The following RCOR1 variants were observed in gnomAD, a reference collection of about 807,000 sequenced individuals.
RCOR1 encodes the protein REST corepressor.
A neutral mutation model predicts 64.0 loss-of-function variants in RCOR1; 12 were observed. The ratio of observed to expected loss-of-function variants is 0.19; its 90% CI spans 0.12 to 0.30. RCOR1 has a LOEUF of 0.30. Ranked by LOEUF, RCOR1 falls within the 10% of genes least tolerant of loss-of-function variation. The pLI is 1.00. For missense variants in RCOR1, 502 were observed against 621.2 expected (o/e 0.81, Z 2.04); for synonymous variants, 279 against 227.2 (o/e 1.23, Z -2.05).
At chr14:102,708,840 C>T (rs1256049152) in intron 6 of RCOR1, among the ~76,000 whole-genome samples, 2 of 151,996 alleles carry the variant, frequency 1.3e-5, no homozygotes, top group Non-Finnish European at 1.5e-5. Flanking sequence ...AGGGGTGGCT[C>T]CTTTTAATAA....
At chr14:102,619,152 G>A (rs1176176652) in intron 2 of RCOR1, among the ~76,000 whole-genome samples, 1 of 151,388 alleles carries the variant, frequency 6.6e-6, no homozygotes, top group Non-Finnish European at 1.5e-5. Flanking sequence ...ACGGAGTTTC[G>A]CTCTTGTTGC....
At chr14:102,697,208 T>G (rs963974034) in intron 3 of RCOR1, among the ~76,000 whole-genome samples, 3 of 152,224 alleles carry the variant, frequency 2.0e-5, no homozygotes, top group Non-Finnish European at 4.4e-5. Context: ...TACTGTGGTG[T>G]CATTTTCCCA....
intron 3 of RCOR1, among the ~76,000 whole-genome samples, chr14:102,691,113 C>A (rs187158760): frequency 2.0e-5 from 3 of 152,198 alleles, no homozygotes; most frequent in South Asian, 4.1e-4. Flanking sequence ...GCGAAATACA[C>A]GAACAGTCCG....
intron 3 of RCOR1, among the ~76,000 whole-genome samples, chr14:102,691,328 G>A (rs924075591): frequency 2.6e-5 from 4 of 151,198 alleles, no homozygotes; most frequent in African/African-American, 9.8e-5. Flanking sequence ...GGGAGAGGTG[G>A]GGACAAGGGC....
intron 10 of RCOR1, 66 bp downstream of exon 10, chr14:102,721,443 C>A: frequency 1.6e-6 from 2 of 1,224,326 alleles, no homozygotes; most frequent in East Asian, 2.4e-5. Context: ...GTAATCCCAA[C>A]ATTTTGGAAG....
intron 2 of RCOR1, among the ~76,000 whole-genome samples, chr14:102,647,569 C>G (rs1032710189): frequency 1.3e-5 from 2 of 152,110 alleles, no homozygotes; most frequent in African/African-American, 2.4e-5. Flanking sequence ...TCTGGCCACC[C>G]CAGCCTCCCA....
At chr14:102,637,017 A>C (rs1286508025) in intron 2 of RCOR1, among the ~76,000 whole-genome samples, 1 of 152,180 alleles carries the variant, frequency 6.6e-6, no homozygotes, top group Non-Finnish European at 1.5e-5. Flanking sequence ...ATATTGAAGG[A>C]ACTTACTAGC....
intron 3 of RCOR1, among the ~76,000 whole-genome samples, chr14:102,697,040 A>G (rs1354974308): frequency 2.0e-5 from 3 of 152,184 alleles, no homozygotes; most frequent in Non-Finnish European, 4.4e-5. Context: ...TATGGCAGCT[A>G]TGCATGTCCC....
intron 3 of RCOR1, among the ~76,000 whole-genome samples, chr14:102,682,643 C>T (rs1409208523): frequency 6.6e-6 from 1 of 152,184 alleles, no homozygotes; most frequent in African/African-American, 2.4e-5. Flanking sequence ...GATCTCTTTT[C>T]ATCTCCTGTT....
At chr14:102,680,463 T>G (rs916398793) in intron 2 of RCOR1, among the ~76,000 whole-genome samples, 2 of 152,174 alleles carry the variant, frequency 1.3e-5, no homozygotes, top group Non-Finnish European at 2.9e-5. Flanking sequence ...TTTAGATTCT[T>G]TGTAGCGTTA....
intron 2 of RCOR1, among the ~76,000 whole-genome samples, chr14:102,646,889 GAC>G: frequency 6.6e-6 from 1 of 152,084 alleles, no homozygotes; most frequent in East Asian, 1.9e-4. Context: ...GTACAAGAGA[GAC>G]AACTAAAGCA....
chr14:102,700,248 A>C (rs1036189135), intron 3 of RCOR1, among the ~76,000 whole-genome samples: 1 of 152,092 alleles, frequency 6.6e-6, no homozygotes, highest in African/African-American at 2.4e-5. Context: ...TTTGAGACAG[A>C]GTCTTGCTCT....
At chr14:102,599,918 C>A (rs932558827) in intron 2 of RCOR1, among the ~76,000 whole-genome samples, 1 of 151,882 alleles carries the variant, frequency 6.6e-6, no homozygotes. Flanking sequence ...ATCCTCCCCC[C>A]TCAGCCTCAT....
chr14:102,708,690 G>A (rs1379614119), intron 6 of RCOR1, 107 bp downstream of exon 6: 4 of 664,510 alleles, frequency 6.0e-6, no homozygotes, highest in Non-Finnish European at 1.1e-5. Context: ...CGCCTTCCTG[G>A]TGGAACCACA....
At chr14:102,597,824 T>TA (rs1893294554) in intron 2 of RCOR1, among the ~76,000 whole-genome samples, 2 of 151,202 alleles carry the variant, frequency 1.3e-5, no homozygotes, top group African/African-American at 4.9e-5. Flanking sequence ...GCAATTTTTT[T>TA]TTTTTTTGAG....
intron 2 of RCOR1, among the ~76,000 whole-genome samples, chr14:102,653,202 G>A (rs1396133135): frequency 2.6e-5 from 4 of 151,822 alleles, no homozygotes; most frequent in Non-Finnish European, 2.9e-5. Context: ...GATTACAGGC[G>A]TGAGCTACTG....
At chr14:102,682,746 T>G (rs761002111) in intron 3 of RCOR1, among the ~76,000 whole-genome samples, 2 of 152,216 alleles carry the variant, frequency 1.3e-5, no homozygotes. Flanking sequence ...TTTGAACCTT[T>G]ATGCCAGCAC....
At position 102,722,397 on chromosome 14, in the gene RCOR1, T is replaced by C; in HGVS notation, c.1400T>C (p.Met467Thr). ...PVKSPDNSIK[M>T]PEEEDEAPVL... ...AAGTCCCCAGATAATTCCATTAAGA[T>C]GCCCGAAGAGGAAGACGAGGTAAAT... Residue 467 changes from methionine (M) to threonine (T), a missense_variant, in exon 11 of 12, where the codon ATG (methionine) becomes ACG (threonine). This residue lies in a region of RCOR1 where 260 missense variants were observed against 416.4 expected (regional missense o/e 0.62). Transcript: ENST00000262241. The C allele has an allele frequency of 6.2e-7, 1 of 1,613,158 alleles. No individual in the cohort carries two copies. Among genetic ancestry groups the C allele is most frequent in the Non-Finnish European group, 8.5e-7 (1 of 1,179,628 alleles).
rs201997281 is a variant in RCOR1 at position 102,632,611 on chromosome 14, A to ATCCTT, written c.361+39353_361+39357dup. Among the ~76,000 whole-genome samples the ATCCTT allele has an allele frequency of 8.1e-3, 876 of 107,930 alleles. 25 individuals are homozygous for ATCCTT. The highest frequency in any genetic ancestry group is 0.017 in the African/African-American group (429 of 25,608). The allele number at this position is 107,930 out of a possible 152,430, so 70.8% of individuals were successfully genotyped here. On this transcript the variant is annotated intron_variant, in intron 2 of 11. Transcript: ENST00000262241. ...TCAAGACTGATTTTGACTGCATGCT[A>ATCCTT]TCCTTTCCTTTCCTTTCCTTTCCTT...
Sources: allele counts gnomAD v4.1 joint callset (sites outside exome capture counted in the v4.1 genomes callset), GRCh38; gene constraint gnomAD v4.1.1; regional missense constraint gnomAD v4.1.1; transcripts MANE v1.5; gene names NCBI Gene and HGNC (gene_info 2026-07-23, HGNC 2026-07-21).